Variants in ARFGEF2 observed in about 807,000 individuals in gnomAD.
ARFGEF2 encodes brefeldin A-inhibited guanine nucleotide-exchange protein 2.
In ARFGEF2, 74 loss-of-function variants were observed where a neutral mutation model predicts 219.9. That is an observed-to-expected ratio of 0.34 (90% confidence interval 0.28 to 0.41). The LOEUF is 0.41. Among genes scored for constraint, ARFGEF2 ranks in the 10% least tolerant of loss-of-function variants. ARFGEF2 has a pLI of 1.00. For missense variants in ARFGEF2, 1,743 were observed against 2,218.3 expected (o/e 0.79, Z 4.30); for synonymous variants, 733 against 799.2 (o/e 0.92, Z 1.40).
At chr20:48,988,442 T>G in intron 17 of ARFGEF2, 49 bp from the exon 18 acceptor site, 1 of 1,610,854 alleles carries the variant, frequency 6.2e-7, no homozygotes, top group Non-Finnish European at 8.5e-7. Context: ...TGGCTTTACT[T>G]GGGCAATTGG....
At chr20:48,969,827 A>G (rs772751098) in intron 9 of ARFGEF2, among the ~76,000 whole-genome samples, 18 of 152,372 alleles carry the variant, frequency 1.2e-4, no homozygotes, top group Non-Finnish European at 2.1e-4. Context: ...TTCCTTGGCT[A>G]TATGACTTGC....
chr20:49,004,132 G>A (rs112920060), intron 25 of ARFGEF2, among the ~76,000 whole-genome samples: 2,410 of 152,116 alleles, frequency 0.016, 68 homozygotes, highest in South Asian at 0.085. Context: ...TGATTGAGGC[G>A]GCCTGATCAC....
At chr20:49,017,429 G>A in intron 32 of ARFGEF2, 42 bp downstream of exon 32, 1 of 1,613,778 alleles carries the variant, frequency 6.2e-7, no homozygotes, top group Non-Finnish European at 8.5e-7. Context: ...TCTGTGTTCA[G>A]TGGATGTCTT....
At chr20:49,023,600 G>A (rs1458530482) in intron 35 of ARFGEF2, among the ~76,000 whole-genome samples, 2 of 150,166 alleles carry the variant, frequency 1.3e-5, no homozygotes, top group Admixed American at 1.3e-4. Flanking sequence ...GTGCAGTGGC[G>A]CGATCTCGGC....
chr20:49,027,243 G>T (rs2091609140), intron 36 of ARFGEF2, among the ~76,000 whole-genome samples: 1 of 151,996 alleles, frequency 6.6e-6, no homozygotes, highest in South Asian at 2.1e-4. Context: ...GCACCACCAC[G>T]CCAGTGGTCT....
chr20:48,970,544 A>AG (rs1218536446), intron 9 of ARFGEF2, among the ~76,000 whole-genome samples: 1 of 152,178 alleles, frequency 6.6e-6, no homozygotes, highest in African/African-American at 2.4e-5. Flanking sequence ...CAGGAGACGG[A>AG]GGTTGCAGTG....
intron 7 of ARFGEF2, among the ~76,000 whole-genome samples, chr20:48,965,621 C>A (rs1293678105): frequency 1.3e-5 from 2 of 152,124 alleles, no homozygotes; most frequent in African/African-American, 4.8e-5. Context: ...CTGGAGGCAC[C>A]ATTGATCTGG....
At chr20:49,032,276 C>T (rs1011561241) in intron 38 of ARFGEF2, 110 bp downstream of exon 38, 8 of 806,976 alleles carry the variant, frequency 9.9e-6, no homozygotes, top group South Asian at 2.7e-5. Flanking sequence ...AGGATGGTTA[C>T]GTGACTAGCA....
At chr20:48,982,049 G>A (rs1455204361) in intron 14 of ARFGEF2, among the ~76,000 whole-genome samples, 16 of 152,170 alleles carry the variant, frequency 1.1e-4, no homozygotes. Context: ...CAATCCTTTG[G>A]AGGAAAAGAG....
At chr20:48,979,218 A>G (rs1041658437) in intron 14 of ARFGEF2, among the ~76,000 whole-genome samples, 1 of 152,160 alleles carries the variant, frequency 6.6e-6, no homozygotes, top group African/African-American at 2.4e-5. Flanking sequence ...CCTTTTTTGC[A>G]TCTATTGAGA....
chr20:48,956,552 T>A (rs2091106801), intron 6 of ARFGEF2, among the ~76,000 whole-genome samples: 2 of 152,212 alleles, frequency 1.3e-5, no homozygotes, highest in Admixed American at 1.3e-4. Flanking sequence ...CCTATGTGTT[T>A]GTGTGGATTT....
chr20:49,021,148 T>A (rs2091562859), intron 34 of ARFGEF2, among the ~76,000 whole-genome samples: 1 of 151,888 alleles, frequency 6.6e-6, no homozygotes, highest in Non-Finnish European at 1.5e-5. Flanking sequence ...ACACCTGTAA[T>A]CCCAGCACTT....
intron 6 of ARFGEF2, among the ~76,000 whole-genome samples, chr20:48,956,929 C>T (rs1039740058): frequency 3.0e-4 from 45 of 152,164 alleles, no homozygotes; most frequent in African/African-American, 1.0e-3. Flanking sequence ...GGAACTGTGC[C>T]GGACACATAC....
chr20:49,023,257 A>G lies in ARFGEF2; in HGVS notation c.4755+76A>G, dbSNP rs1188411867. 2.5e-6 allele frequency: 4 copies of G among 1,583,568 alleles called. No individual in the cohort carries two copies. In the African/African-American group the frequency reaches 4.0e-5, roughly 16 times the overall value. ...TTTGATGTAGTGGTGTGCGGAAGCC[A>G]GCTTGTACTGGCTTTCCAGAGCCTG... On this transcript the variant is annotated intron_variant, in intron 35 of 38. Transcript: ENST00000371917.
At chr20:49,021,103 T>C (rs2091562644) in intron 34 of ARFGEF2, among the ~76,000 whole-genome samples, 1 of 152,220 alleles carries the variant, frequency 6.6e-6, no homozygotes, top group Admixed American at 6.5e-5. Context: ...GTTACGTGTT[T>C]TTATAATTTC....
chr20:49,013,686 A>G lies in ARFGEF2; in HGVS notation c.4041A>G (p.Val1347=). Residue 1347 remains valine (V), a synonymous_variant, in exon 29 of 39, where the codon GTA becomes GTG. Coordinates refer to ENST00000371917, the MANE Select transcript of ARFGEF2 (RefSeq NM_006420.3). ...TCATTAATAGATGCAAGTTAGATGT[A>G]CGAACAAGGTAACCATGTTCCCGTG... ...SCIINRCKLD[V]RTRGLTVMFE... 1 of 1,614,196 alleles carries G rather than the reference A, an allele frequency of 6.2e-7. No homozygotes were observed. The highest frequency in any genetic ancestry group is 8.5e-7 in the Non-Finnish European group (1 of 1,180,022).
chr20:48,989,847 G>T (rs1245646596), intron 20 of ARFGEF2, among the ~76,000 whole-genome samples, 163 bp downstream of exon 20: 2 of 152,166 alleles, frequency 1.3e-5, no homozygotes, highest in South Asian at 4.1e-4. Flanking sequence ...ATGACAGCTC[G>T]TTAGGGGCAA....
chr20:48,998,880 A>G (rs1160115584), intron 25 of ARFGEF2, among the ~76,000 whole-genome samples: 1 of 152,178 alleles, frequency 6.6e-6, no homozygotes, highest in Non-Finnish European at 1.5e-5. Flanking sequence ...TTTACTCTTC[A>G]ATGTCACTGC....
In ARFGEF2 at chr20:48,985,449, C is replaced by A. The variant is rs2091321608; in HGVS notation, c.2112C>A (p.Asn704Lys). ...GDFLGDSARF[N>K]KEVMYAYVDQ... ...TTCTGGGAGATAGCGCAAGGTTCAA[C>A]AAGGAGGTGATGTATGCCTACGTGG... Residue 704 changes from asparagine (N) to lysine (K), a missense_variant, in exon 16 of 39, where the codon AAC becomes AAA. Around this residue, in one of 5 missense-constraint regions of ARFGEF2, gnomAD observed 666 missense variants for 955.4 expected, o/e 0.70. Transcript: ENST00000371917. The A allele has an allele frequency of 1.2e-6, 2 of 1,614,128 alleles. No individual in the cohort carries two copies. Among genetic ancestry groups the A allele is most frequent in the Non-Finnish European group, 1.7e-6 (2 of 1,180,030 alleles).
Sources: allele counts gnomAD v4.1 joint callset (sites outside exome capture counted in the v4.1 genomes callset), GRCh38; gene constraint gnomAD v4.1.1; regional missense constraint gnomAD v4.1.1; transcripts MANE v1.5; gene names NCBI Gene and HGNC (gene_info 2026-07-23, HGNC 2026-07-21).